CNOT10: variants seen among roughly 807,000 people sequenced by gnomAD.
CNOT10 encodes the protein CCR4-NOT transcription complex subunit 10, also known as CCR4-NOT transcription complex, subunit 10.
Under a neutral mutation model 94.6 loss-of-function variants are expected in CNOT10, and 30 were observed. The ratio of observed to expected loss-of-function variants is 0.32; its 90% CI spans 0.24 to 0.43. The LOEUF (loss-of-function observed/expected upper bound fraction) is 0.43. CNOT10 is among the 20% of genes least tolerant of loss of function. CNOT10 has a pLI of 1.00. For synonymous variants in CNOT10, 289 were observed against 301.6 expected, an observed-to-expected ratio of 0.96 and a Z score of 0.43; for missense variants, 759 against 877.2, an observed-to-expected ratio of 0.87 and a Z score of 1.70.
At chr3:32,706,517 A>G (rs1424146167) in intron 3 of CNOT10, among the ~76,000 whole-genome samples, 2 of 152,222 alleles carry the variant, frequency 1.3e-5, no homozygotes, top group Non-Finnish European at 2.9e-5. Context: ...CACATCGGGC[A>G]CAGTGACACA....
At chr3:32,726,693 CCA>C in intron 9 of CNOT10, among the ~76,000 whole-genome samples, 1 of 82,862 alleles carries the variant, frequency 1.2e-5, no homozygotes, top group South Asian at 5.0e-4. Flanking sequence ...GAGACTCTGT[CCA>C]TAATAATAAT....
intron 8 of CNOT10, among the ~76,000 whole-genome samples, chr3:32,722,166 A>AT (rs1447855522): frequency 6.6e-6 from 1 of 152,158 alleles, no homozygotes; most frequent in Admixed American, 6.5e-5. Flanking sequence ...ATTAATATGT[A>AT]TTTTGGTATG....
intron 13 of CNOT10, 45 bp downstream of exon 13, chr3:32,737,535 A>G: frequency 1.6e-6 from 2 of 1,289,188 alleles, no homozygotes; most frequent in Admixed American, 1.7e-5. Flanking sequence ...TGAAATGAAC[A>G]TATTCATGGC....
At chr3:32,717,593 G>A (rs1698180138) in intron 7 of CNOT10, among the ~76,000 whole-genome samples, 1 of 152,006 alleles carries the variant, frequency 6.6e-6, no homozygotes, top group African/African-American at 2.4e-5. Context: ...TTTATGGCCA[G>A]GTGGTGACTC....
chr3:32,723,929 A>G lies in CNOT10; in HGVS notation c.863-1521A>G, dbSNP rs147448263. ...CCCTGTCTCTGCAAAAAAATTAAAA[A>G]ATTAGCTGGGCATGGTGGCCCGTGC... On this transcript the variant is annotated intron_variant, in intron 8 of 18. Transcript: ENST00000328834. Among the ~76,000 whole-genome samples, 768 of 152,192 alleles carry G rather than the reference A, an allele frequency of 5.0e-3. 13 individuals carry two copies. The highest frequency in any genetic ancestry group is 0.018 in the African/African-American group (739 of 41,544).
At chr3:32,749,500 C>G (rs1293075790) in intron 13 of CNOT10, among the ~76,000 whole-genome samples, 1 of 148,896 alleles carries the variant, frequency 6.7e-6, no homozygotes, top group African/African-American at 2.5e-5. Context: ...ACCTCCACCT[C>G]TTGGGTTCAA....
At position 32,685,251 on chromosome 3, in the gene CNOT10, G is replaced by C. The variant is rs1045636516; in HGVS notation, c.-210G>C. The stretch of plus-strand genomic sequence containing the variant: ...GGCGGGAGGCTGTGGCGGTCCCTTG[G>C]TGGGGAAGCTGTTGCTGTTGCTAGA... On this transcript the variant is annotated 5_prime_UTR_variant, in exon 1 of 19. Transcript: ENST00000328834. 5.8e-5 allele frequency: 32 copies of C among 549,364 alleles called. No individual in the cohort carries two copies. In the Middle Eastern group the frequency reaches 1.5e-3, roughly 25 times the overall value. 34.0% of individuals were successfully genotyped at this position (549,364 alleles called of 1,614,324 possible).
intron 13 of CNOT10, among the ~76,000 whole-genome samples, chr3:32,756,034 C>T (rs1319278480): frequency 6.6e-6 from 1 of 152,100 alleles, no homozygotes; most frequent in Non-Finnish European, 1.5e-5. Flanking sequence ...TAAAGTGATT[C>T]TCTGGGGGCT....
Position 32,727,820 on chromosome 3 carries a change from C to A in CNOT10, c.1165C>A (p.Pro389Thr). 1.2e-6 allele frequency: 2 copies of A among 1,613,676 alleles called. No homozygotes were observed. Among genetic ancestry groups the A allele is most frequent in the South Asian group, 1.1e-5 (1 of 91,020 alleles). Reference sequence around the variant, plus strand: ...AGCTGTTCAGGTTTATCATGCAAATCCTCGCCTCTGGCTACGGCTGGCTGA... The same window carrying A: ...AGCTGTTCAGGTTTATCATGCAAATACTCGCCTCTGGCTACGGCTGGCTGA... ...IEAVQVYHAN[P>T]RLWLRLAECC... The change falls in exon 10 of 19, where the codon CCT becomes ACT. Residue 389 changes from proline to threonine, a missense_variant. Around this residue, in one of 3 missense-constraint regions of CNOT10, gnomAD observed 682 missense variants for 799.4 expected, o/e 0.85. Coordinates refer to ENST00000328834, the MANE Select transcript of CNOT10 (RefSeq NM_015442.3).
intron 13 of CNOT10, among the ~76,000 whole-genome samples, chr3:32,754,634 C>T (rs1700141220): frequency 7.0e-6 from 1 of 143,596 alleles, no homozygotes; most frequent in Non-Finnish European, 1.5e-5. Context: ...ATTCTTCTGC[C>T]TCGACCTCCT....
chr3:32,720,918 CCTTCCTTCCTTCCTTCCCTT>C (rs1698362518), intron 8 of CNOT10, among the ~76,000 whole-genome samples: 1 of 137,748 alleles, frequency 7.3e-6, no homozygotes, highest in East Asian at 2.2e-4. Flanking sequence ...TTCCTTCCTT[CCTTCCTTCCTTCCTTCCCTT>C]CTTCCCTTCC....
rs1417868180 is a variant in CNOT10 at position 32,725,469 on chromosome 3, G to T, written c.882G>T (p.Met294Ile). The change falls in exon 9 of 19, where the codon ATG (methionine) becomes ATT (isoleucine). Residue 294 changes from methionine to isoleucine, a missense_variant. Physicochemically the swap from Met to Ile is conservative, Grantham distance 10. Transcript: ENST00000328834. The stretch of plus-strand genomic sequence containing the variant: ...TTTCAGGTGAATGCTTGAGATGCAT[G>T]TTCTGGAATAACCTTGGTTGCATCC... ...FMKTGECLRC[M>I]FWNNLGCIHF... 8 of 1,613,318 alleles carry T rather than the reference G, an allele frequency of 5.0e-6. No individual in the cohort carries two copies. Among genetic ancestry groups the T allele is most frequent in the Non-Finnish European group, 5.9e-6 (7 of 1,179,790 alleles).
chr3:32,716,296 A>G lies in CNOT10; in HGVS notation c.645A>G (p.Lys215=). 1 of 1,585,744 alleles carries G rather than the reference A, an allele frequency of 6.3e-7. No homozygotes were observed. Among genetic ancestry groups the G allele is most frequent in the African/African-American group, 1.3e-5 (1 of 74,084 alleles). Residue 215 remains lysine, a synonymous_variant, in exon 6 of 19, where the codon AAA becomes AAG. Transcript: ENST00000328834. ...AESGALIEAA[K]SKIHQYKVRA... is the part of the protein sequence containing the mutation. ...GTGGAGCTCTAATAGAAGCTGCAAA[A>G]TCAAAGATACATCAGGTAGTATAAA...
chr3:32,704,281 A>G (rs1697507970), intron 2 of CNOT10, among the ~76,000 whole-genome samples: 1 of 152,046 alleles, frequency 6.6e-6, no homozygotes, highest in South Asian at 2.1e-4. Flanking sequence ...TCTTTTATTT[A>G]TTTATTTCTG....
rs371042727 is a variant in CNOT10, at chr3:32,713,386, G to T, written c.573+17G>T. The T allele has an allele frequency of 3.7e-5, 57 of 1,559,792 alleles. No individual in the cohort carries two copies. In the African/African-American group the frequency reaches 6.7e-4, roughly 18 times the overall value. On this transcript the variant is annotated intron_variant, in intron 5 of 18. Transcript: ENST00000328834. ...AAGAATGAGGTGAGTCTTTAGAGGT[G>T]ATCAGACTAAAATCTAAAATGTGAT...
At chr3:32,721,168 A>G (rs975324114) in intron 8 of CNOT10, among the ~76,000 whole-genome samples, 3 of 147,842 alleles carry the variant, frequency 2.0e-5, no homozygotes, top group East Asian at 2.0e-4. Flanking sequence ...GGTTCAAGCA[A>G]TTCTCCCACC....
chr3:32,708,655 T>C lies in CNOT10; in HGVS notation c.280-15T>C, dbSNP rs769687693. Reference sequence around the variant, plus strand: ...CCTTAATGTTAAAATATAACCTCTGTTGATTGCTTTATAGGTCCACTCAGC... The same window carrying C: ...CCTTAATGTTAAAATATAACCTCTGCTGATTGCTTTATAGGTCCACTCAGC... On this transcript the variant is annotated splice_polypyrimidine_tract_variant and intron_variant, in intron 3 of 18. Coordinates refer to ENST00000328834, the MANE Select transcript of CNOT10 (RefSeq NM_015442.3). 40 of 1,598,458 alleles carry C rather than the reference T, an allele frequency of 2.5e-5. No individual in the cohort carries two copies. Among genetic ancestry groups the C allele is most frequent in the Non-Finnish European group, 3.4e-5 (40 of 1,175,134 alleles).
rs149597521 is a variant in CNOT10, at chr3:32,763,984, G to T, written c.1841-471G>T. 1,436 of 153,942 alleles carry T rather than the reference G, an allele frequency of 9.3e-3. 29 individuals carry two copies. Among genetic ancestry groups the T allele is most frequent in the African/African-American group, 0.033 (1,354 of 41,370 alleles). The allele number at this position is 153,942 out of a possible 1,614,324, so 9.5% of individuals were successfully genotyped here. On this transcript the variant is annotated intron_variant, in intron 15 of 18. Coordinates refer to ENST00000328834, the MANE Select transcript of CNOT10 (RefSeq NM_015442.3). ...TGTCTCTACTAAAAATACAAAATTAGCCAGGCATGGTGGTATGCCCCTGTA... is the reference window on the plus strand; with the variant it reads ...TGTCTCTACTAAAAATACAAAATTATCCAGGCATGGTGGTATGCCCCTGTA...
intron 13 of CNOT10, among the ~76,000 whole-genome samples, chr3:32,747,224 T>A (rs1275799534): frequency 6.6e-6 from 1 of 152,070 alleles, no homozygotes. Context: ...GAGATCAGCC[T>A]GGCCACCATG....
Sources: allele counts gnomAD v4.1 joint callset (sites outside exome capture counted in the v4.1 genomes callset), GRCh38; gene constraint gnomAD v4.1.1; regional missense constraint gnomAD v4.1.1; transcripts MANE v1.5; gene names NCBI Gene and HGNC (gene_info 2026-07-23, HGNC 2026-07-21).